Variants in KDM2B observed in about 807,000 individuals in gnomAD.
The protein encoded by KDM2B is lysine demethylase 2B.
KDM2B carries 26 observed loss-of-function variants against 150.0 expected under a neutral mutation model. That is an observed-to-expected ratio of 0.17 (90% CI 0.13 to 0.24). The LOEUF (loss-of-function observed/expected upper bound fraction) is 0.24. Ranked by LOEUF, KDM2B falls within the 10% of genes least tolerant of loss-of-function variation. The probability of loss-of-function intolerance (pLI) is 1.00; values close to 1 mark genes in which losing one functional copy is unlikely to be tolerated. For missense variants in KDM2B, 1,265 were observed against 1,816.9 expected, an observed-to-expected ratio of 0.70 and a Z score of 5.52; for synonymous variants, 734 against 729.5, an observed-to-expected ratio of 1.01 and a Z score of -0.10.
chr12:121,430,539 G>A lies in KDM2B; in HGVS notation c.3830-70C>T, dbSNP rs1223115081. ...AGAAGCCCCCCCGCCGCCAGACCCA[G>A]GCACTCAGCAGTGGGGACAGGTCAG... On this transcript the variant is annotated intron_variant, in intron 22 of 22. Coordinates refer to ENST00000377071, the MANE Select transcript of KDM2B (RefSeq NM_032590.5). This position sits in a 1 kb window ranked among gnomAD's most constrained non-coding sequence, Gnocchi z 4.4. The A allele has an allele frequency of 6.4e-6, 7 of 1,101,582 alleles. No individual in the cohort carries two copies. Among genetic ancestry groups the A allele is most frequent in the Non-Finnish European group, 9.8e-6 (7 of 717,318 alleles). The allele number at this position is 1,101,582 out of a possible 1,614,324, so 68.2% of individuals were successfully genotyped here. A position where few individuals can be genotyped will look rare whatever the true frequency, so the allele number is the denominator to read the frequency against.
At chr12:121,527,613 C>A in intron 8 of KDM2B, among the ~76,000 whole-genome samples, 1 of 141,152 alleles carries the variant, frequency 7.1e-6, no homozygotes. Context: ...GAGATCGCGC[C>A]ACTGCACTCC....
chr12:121,506,787 A>C (rs1885109419), intron 11 of KDM2B, among the ~76,000 whole-genome samples: 1 of 152,060 alleles, frequency 6.6e-6, no homozygotes, highest in Non-Finnish European at 1.5e-5. Flanking sequence ...AAAATACAAA[A>C]TAGCCGGGTG....
intron 10 of KDM2B, among the ~76,000 whole-genome samples, chr12:121,511,475 G>A (rs1382943958): frequency 6.6e-5 from 10 of 151,828 alleles, no homozygotes; most frequent in African/African-American, 2.2e-4. Context: ...TAGTAGAGAC[G>A]AGGTGTCACC....
intron 12 of KDM2B, among the ~76,000 whole-genome samples, chr12:121,487,646 C>A (rs1301564298): frequency 6.6e-6 from 1 of 152,194 alleles, no homozygotes; most frequent in African/African-American, 2.4e-5. Context: ...GACACCCTCT[C>A]CTCCTACCCT....
In KDM2B at chr12:121,442,863, G is replaced by A. The variant is rs782662697; in HGVS notation, c.2605-27C>T. 2 of 1,521,164 alleles carry A rather than the reference G, an allele frequency of 1.3e-6. No individual in the cohort carries two copies. The highest frequency in any genetic ancestry group is 1.3e-5 in the South Asian group (1 of 76,770). The allele number at this position is 1,521,164 out of a possible 1,614,324, so 94.2% of individuals were successfully genotyped here. On this transcript the variant is annotated intron_variant, in intron 18 of 22. Transcript: ENST00000377071. The surrounding 1 kb of genome is among the most constrained non-coding windows in gnomAD (Gnocchi z 7.7). ...TGAGGGCGAGAGCGGAGACGCGTCAGCCTCTGGGGCTCAGGGCTGCGCCCG... is the reference window on the plus strand; with the variant it reads ...TGAGGGCGAGAGCGGAGACGCGTCAACCTCTGGGGCTCAGGGCTGCGCCCG...
rs548954913 is a variant in KDM2B, at chr12:121,520,500, G to A, written c.1047+485C>T. Among the ~76,000 whole-genome samples the A allele has an allele frequency of 6.6e-6, 1 of 152,084 alleles. No individual in the cohort carries two copies. Among genetic ancestry groups the A allele is most frequent in the South Asian group, 2.1e-4 (1 of 4,826 alleles). The stretch of plus-strand genomic sequence containing the variant: ...AGACTACCTCAGAGACAGTACCCAG[G>A]GGGACTCAGGCACTGGCTTCCTCAG... On this transcript the variant is annotated intron_variant, in intron 9 of 22. Transcript: ENST00000377071. The surrounding 1 kb of genome is among the most constrained non-coding windows in gnomAD (Gnocchi z 4.5).
intron 4 of KDM2B, among the ~76,000 whole-genome samples, chr12:121,564,589 G>C (rs1271700123): frequency 6.6e-6 from 1 of 152,046 alleles, no homozygotes; most frequent in African/African-American, 2.4e-5. Flanking sequence ...CAAATACCTA[G>C]GAATAAACCT....
chr12:121,414,314 CA>C, the KDM2B span, among the ~76,000 whole-genome samples: 2 of 152,222 alleles, frequency 1.3e-5, no homozygotes, highest in Non-Finnish European at 2.9e-5. Context: ...AGGACAAAGG[CA>C]AAAGCCTATT....
At chr12:121,416,836 G>C in the KDM2B span, among the ~76,000 whole-genome samples, 1 of 152,342 alleles carries the variant, frequency 6.6e-6, no homozygotes, top group South Asian at 2.1e-4. Context: ...AAGATGGAAA[G>C]TCATTCAGAG....
chr12:121,461,410 G>C (rs1879105328), intron 12 of KDM2B, among the ~76,000 whole-genome samples: 1 of 152,158 alleles, frequency 6.6e-6, no homozygotes, highest in African/African-American at 2.4e-5. Context: ...ACAGTGAGGG[G>C]AGTGGATATT....
intron 13 of KDM2B, 23 bp from the exon 14 acceptor site, chr12:121,445,441 A>G (rs1555290025): frequency 1.3e-6 from 2 of 1,570,918 alleles, no homozygotes; most frequent in Non-Finnish European, 1.7e-6. Context: ...GGAGAACAAG[A>G]CAAGTCATCA....
the KDM2B span, among the ~76,000 whole-genome samples, chr12:121,415,902 G>C: frequency 6.7e-6 from 1 of 149,572 alleles, no homozygotes. Context: ...TGGGTAGGGA[G>C]GTTTTTTGTT....
rs782214381 is a variant in KDM2B at position 121,453,066 on chromosome 12, G to C, written c.1959+54C>G. ...GAGCGAGCAGCGGTCAGACACGCGG[G>C]CCGGCACGCAGGGGCCTGAATCGAG... is the stretch of plus-strand genomic sequence containing the variant. On this transcript the variant is annotated intron_variant, in intron 13 of 22. Coordinates refer to ENST00000377071, the MANE Select transcript of KDM2B (RefSeq NM_032590.5). The surrounding 1 kb of genome is among the most constrained non-coding windows in gnomAD (Gnocchi z 6.4). 52 of 1,451,268 alleles carry C rather than the reference G, an allele frequency of 3.6e-5. No homozygotes were observed. Among genetic ancestry groups the C allele is most frequent in the Non-Finnish European group, 4.6e-5 (50 of 1,079,134 alleles). The allele number at this position is 1,451,268 out of a possible 1,614,324, so 89.9% of individuals were successfully genotyped here.
intron 8 of KDM2B, among the ~76,000 whole-genome samples, chr12:121,527,640 G>C (rs1239316661): frequency 3.6e-5 from 5 of 138,360 alleles, no homozygotes; most frequent in Admixed American, 7.2e-5. Context: ...GGTGACAGAG[G>C]GAGACTCCGT....
At chr12:121,459,061 G>A (rs1175379016) in intron 12 of KDM2B, among the ~76,000 whole-genome samples, 2 of 148,398 alleles carry the variant, frequency 1.3e-5, no homozygotes, top group African/African-American at 2.5e-5. Context: ...ACTCCAGCCT[G>A]GCAACAGAGC....
chr12:121,478,020 GGCGTGA>G (rs1881586212), intron 12 of KDM2B, among the ~76,000 whole-genome samples: 1 of 152,076 alleles, frequency 6.6e-6, no homozygotes, highest in Middle Eastern at 3.4e-3. Context: ...TGGGATTACA[GGCGTGA>G]GCCACCTCAA....
intron 4 of KDM2B, among the ~76,000 whole-genome samples, chr12:121,559,160 G>GT (rs1890138863): frequency 6.6e-6 from 1 of 152,234 alleles, no homozygotes; most frequent in Non-Finnish European, 1.5e-5. Context: ...GGGAAGGGCT[G>GT]TGGGGAGCAG....
At chr12:121,490,673 C>A (rs1555299750) in intron 12 of KDM2B, among the ~76,000 whole-genome samples, 1 of 152,152 alleles carries the variant, frequency 6.6e-6, no homozygotes. Context: ...AAGGAAGCAG[C>A]CAGAGTGTAG....
intron 4 of KDM2B, among the ~76,000 whole-genome samples, chr12:121,563,244 G>A (rs1302972883): frequency 6.6e-6 from 1 of 152,158 alleles, no homozygotes; most frequent in Non-Finnish European, 1.5e-5. Flanking sequence ...GAACCCAGGA[G>A]GTCAAGTCTG....
Sources: allele counts gnomAD v4.1 joint callset (sites outside exome capture counted in the v4.1 genomes callset), GRCh38; gene constraint gnomAD v4.1.1; non-coding constraint Gnocchi (gnomAD v3.1); transcripts MANE v1.5; gene names NCBI Gene and HGNC (gene_info 2026-07-23, HGNC 2026-07-21).